The following LARP4 variants were observed in gnomAD, a reference collection of about 807,000 sequenced individuals.
LARP4 encodes La ribonucleoprotein 4, also known as la-related protein 4.
A neutral mutation model predicts 92.9 loss-of-function variants in LARP4; 29 were observed. The ratio of observed to expected loss-of-function variants is 0.31; its 90% CI spans 0.23 to 0.43. The LOEUF is 0.43. Among genes scored for constraint, LARP4 ranks in the 20% least tolerant of loss-of-function variants. The pLI, the probability that LARP4 is intolerant of heterozygous loss-of-function variation, is 1.00. For synonymous variants in LARP4, 279 were observed against 284.1 expected, an observed-to-expected ratio of 0.98 and a Z score of 0.18; for missense variants, 732 against 860.0, an observed-to-expected ratio of 0.85 and a Z score of 1.86.
At chr12:50,441,760 T>C in intron 8 of LARP4, 117 bp downstream of exon 8, 1 of 885,650 alleles carries the variant, frequency 1.1e-6, no homozygotes, top group Non-Finnish European at 1.7e-6. Context: ...AAAAAGTTTC[T>C]GGCTTGGTCC....
intron 12 of LARP4, among the ~76,000 whole-genome samples, chr12:50,464,736 G>A (rs1417152708): frequency 3.3e-5 from 5 of 149,518 alleles, no homozygotes; most frequent in African/African-American, 5.0e-5. Context: ...TGTTGTCCAC[G>A]TTGGAGTGCA....
chr12:50,402,035 C>T (rs78102683), intron 1 of LARP4, among the ~76,000 whole-genome samples: 1 of 152,072 alleles, frequency 6.6e-6, no homozygotes, highest in East Asian at 1.9e-4. Context: ...CATTTGTTAA[C>T]TATGCCCATA....
chr12:50,422,409 C>T (rs1592906027), intron 1 of LARP4, among the ~76,000 whole-genome samples: 1 of 152,182 alleles, frequency 6.6e-6, no homozygotes, highest in East Asian at 1.9e-4. Flanking sequence ...AAGCATTTTC[C>T]AGTTTTCATA....
intron 10 of LARP4, among the ~76,000 whole-genome samples, chr12:50,458,131 G>T (rs11169430): frequency 1.3e-5 from 2 of 151,426 alleles, no homozygotes; most frequent in Non-Finnish European, 2.9e-5. Flanking sequence ...TAAAGACAGG[G>T]TTTTGCCATG....
intron 1 of LARP4, chr12:50,402,946 TA>T: frequency 2.6e-6 from 1 of 378,834 alleles, no homozygotes; most frequent in Non-Finnish European, 5.2e-6. Context: ...TAACTGTCTT[TA>T]AATATTTGGG....
chr12:50,408,397 A>G (rs1487393706), intron 1 of LARP4, among the ~76,000 whole-genome samples: 1 of 151,780 alleles, frequency 6.6e-6, no homozygotes, highest in Non-Finnish European at 1.5e-5. Flanking sequence ...GGGATTCTCC[A>G]TGTTGGTCAG....
At chr12:50,470,505 C>A (rs1047692707) in intron 13 of LARP4, among the ~76,000 whole-genome samples, 5 of 151,730 alleles carry the variant, frequency 3.3e-5, no homozygotes, top group Non-Finnish European at 5.9e-5. Flanking sequence ...GCGATCTCGG[C>A]TCACTGCAAC....
chr12:50,442,202 T>A (rs1317100993), intron 8 of LARP4, among the ~76,000 whole-genome samples: 1 of 152,238 alleles, frequency 6.6e-6, no homozygotes, highest in Admixed American at 6.5e-5. Context: ...TTACAACATA[T>A]GAGATAATTC....
chr12:50,428,926 T>C lies in LARP4; in HGVS notation c.167-9T>C. On this transcript the variant is annotated splice_polypyrimidine_tract_variant and intron_variant, in intron 2 of 15. Transcript: ENST00000398473. ...TCCCATTTACTTTCAGTGTCTGTCT[T>C]TAATACAGGTAATGCAGAGCTCTCA... 6.4e-7 allele frequency: 1 copy of C among 1,567,092 alleles called. No individual in the cohort carries two copies. Among genetic ancestry groups the C allele is most frequent in the Non-Finnish European group, 8.6e-7 (1 of 1,157,632 alleles).
intron 1 of LARP4, among the ~76,000 whole-genome samples, chr12:50,423,824 T>A (rs1039913211): frequency 6.6e-6 from 1 of 151,266 alleles, no homozygotes; most frequent in African/African-American, 2.4e-5. Context: ...CAATTTCGGC[T>A]CACTGCAATC....
chr12:50,454,361 A>G lies in LARP4; in HGVS notation c.1065A>G (p.Gly355=). The change falls in exon 10 of 16, where the codon GGA becomes GGG. Residue 355 remains glycine, a synonymous_variant. Transcript: ENST00000398473. ...TTGTGAATGGCTTTAATTCGCCAGG[A>G]TCTTATAAAACAAATGCTGCTGCTA... ...GSFVNGFNSP[G]SYKTNAAAMN... is the part of the protein sequence containing the mutation. The G allele has an allele frequency of 6.2e-7, 1 of 1,613,708 alleles. No homozygotes were observed. The highest frequency in any genetic ancestry group is 8.5e-7 in the Non-Finnish European group (1 of 1,179,924).
Position 50,473,504 on chromosome 12 carries a change from T to G in LARP4, c.1635T>G (p.Ser545Arg), listed in dbSNP as rs1957162199. The G allele has an allele frequency of 6.2e-7, 1 of 1,613,336 alleles. No homozygotes were observed. The highest frequency in any genetic ancestry group is 1.7e-5 in the Admixed American group (1 of 59,988). The change falls in exon 14 of 16, where the codon AGT (serine) becomes AGG (arginine). Residue 545 changes from serine (S) to arginine (R), a missense_variant. This residue lies in a region of LARP4 where 97 missense variants were observed against 85.9 expected (regional missense o/e 1.13). Coordinates refer to ENST00000398473, the MANE Select transcript of LARP4 (RefSeq NM_052879.5). ...TSAQQLNMSTSSPCAAELTAL... is the reference protein window; with the variant it reads ...TSAQQLNMSTRSPCAAELTAL... ...CCCAGCAACTCAATATGAGTACCAG[T>G]TCTCCATGTGCTGCTGAGCTTACTG...
Position 50,475,818 on chromosome 12 carries a change from G to A in LARP4, c.2129G>A (p.Arg710Gln), listed in dbSNP as rs769304230. 12 of 1,613,934 alleles carry A rather than the reference G, an allele frequency of 7.4e-6. No individual in the cohort carries two copies. Among genetic ancestry groups the A allele is most frequent in the African/African-American group, 2.7e-5 (2 of 74,882 alleles). ...SHRAIPQGVT[R>Q]RNGKEQYVPP... ...AGGGCTATACCTCAGGGAGTGACTCGACGTAATGGCAAAGAGCAATATGTG... is the reference window on the plus strand; with the variant it reads ...AGGGCTATACCTCAGGGAGTGACTCAACGTAATGGCAAAGAGCAATATGTG... The change falls in exon 16 of 16, where the codon CGA becomes CAA. Residue 710 changes from arginine (R) to glutamine (Q), a missense_variant. Physicochemically the swap from Arg to Gln is conservative, Grantham distance 43. This residue lies in a region of LARP4 where 115 missense variants were observed against 129.1 expected (regional missense o/e 0.89). Transcript: ENST00000398473.
At chr12:50,425,291 C>A (rs1198013767) in intron 1 of LARP4, among the ~76,000 whole-genome samples, 3 of 152,038 alleles carry the variant, frequency 2.0e-5, no homozygotes, top group African/African-American at 7.2e-5. Context: ...ATGTATAGAT[C>A]TTATTTACCA....
At chr12:50,471,170 T>C (rs1017974646) in intron 13 of LARP4, among the ~76,000 whole-genome samples, 3 of 152,136 alleles carry the variant, frequency 2.0e-5, no homozygotes, top group Admixed American at 6.5e-5. Flanking sequence ...TACAAACCAT[T>C]CTTAGCTTGT....
In LARP4 at chr12:50,413,928, A is replaced by G. The variant is rs144181309; in HGVS notation, c.18+12900A>G. ...TATAGATGAACTACAGTTCACCTCT[A>G]TGGTAGGATGTTTATAAAATTAGTG... is the stretch of plus-strand genomic sequence containing the variant. On this transcript the variant is annotated intron_variant, in intron 1 of 15. Transcript: ENST00000398473. 6.1e-4 allele frequency among the ~76,000 whole-genome samples: 93 copies of G among 152,300 alleles called. 2 individuals are homozygous for G. Among genetic ancestry groups the G allele is most frequent in the Admixed American group, 2.0e-3 (30 of 15,284 alleles).
At chr12:50,453,798 A>AT (rs533903549) in intron 9 of LARP4, 126 bp downstream of exon 9, 1 of 599,496 alleles carries the variant, frequency 1.7e-6, no homozygotes. Context: ...ATTTTATTTT[A>AT]TTTTTTGTAT....
intron 8 of LARP4, among the ~76,000 whole-genome samples, chr12:50,442,075 G>A (rs926598245): frequency 2.6e-4 from 40 of 151,984 alleles, no homozygotes; most frequent in African/African-American, 7.5e-4. Context: ...AAATTTTCTG[G>A]CTTGTATTAT....
chr12:50,471,989 A>G (rs12297832), intron 13 of LARP4, among the ~76,000 whole-genome samples: 1,753 of 152,200 alleles, frequency 0.012, 44 homozygotes, highest in African/African-American at 0.04. Context: ...ATCTGGTCCT[A>G]TTAGTGTTTT....
Sources: allele counts gnomAD v4.1 joint callset (sites outside exome capture counted in the v4.1 genomes callset), GRCh38; gene constraint gnomAD v4.1.1; regional missense constraint gnomAD v4.1.1; transcripts MANE v1.5; gene names NCBI Gene and HGNC (gene_info 2026-07-23, HGNC 2026-07-21).